UBR3: variants seen among roughly 807,000 people sequenced by gnomAD.
UBR3 encodes the protein E3 ubiquitin-protein ligase UBR3.
In UBR3, 85 loss-of-function variants were observed where a neutral mutation model predicts 243.2. That is an observed-to-expected ratio of 0.35 (90% confidence interval 0.29 to 0.42). The LOEUF (loss-of-function observed/expected upper bound fraction) is 0.42, where lower values mean the gene tolerates loss of function less well. Among genes scored for constraint, UBR3 ranks in the 10% least tolerant of loss-of-function variants. UBR3 has a pLI of 1.00. For synonymous variants in UBR3, 748 were observed against 799.8 expected (o/e 0.94, Z 1.09); for missense variants, 1,686 against 2,300.8 (o/e 0.73, Z 5.47).
chr2:169,929,316 T>G (rs2086030171), intron 18 of UBR3, among the ~76,000 whole-genome samples: 1 of 152,210 alleles, frequency 6.6e-6, no homozygotes, highest in Non-Finnish European at 1.5e-5. Context: ...GGCTTATGCC[T>G]GTAATCCCAG....
chr2:170,000,182 A>G (rs1454883983), intron 26 of UBR3, among the ~76,000 whole-genome samples: 2 of 152,002 alleles, frequency 1.3e-5, no homozygotes, highest in Non-Finnish European at 2.9e-5. Context: ...GAAAGGATAT[A>G]TAGTTTGCTT....
chr2:170,064,576 A>G (rs1372543045), intron 35 of UBR3, among the ~76,000 whole-genome samples: 2 of 151,940 alleles, frequency 1.3e-5, no homozygotes, highest in Non-Finnish European at 2.9e-5. Flanking sequence ...TCTATTTGAT[A>G]AGACAGTTTT....
chr2:170,003,000 T>C (rs1482116714), intron 27 of UBR3, among the ~76,000 whole-genome samples: 2 of 152,178 alleles, frequency 1.3e-5, no homozygotes, highest in African/African-American at 4.8e-5. Context: ...AGGTCTACTA[T>C]ATTCTCATGT....
intron 35 of UBR3, among the ~76,000 whole-genome samples, chr2:170,067,492 GAAC>G (rs2091598397): frequency 6.6e-6 from 1 of 152,038 alleles, no homozygotes; most frequent in Non-Finnish European, 1.5e-5. Context: ...AAAGAGACCT[GAAC>G]AACACTATTA....
At chr2:170,077,530 T>C in intron 36 of UBR3, 2 of 839,756 alleles carry the variant, frequency 2.4e-6, no homozygotes, top group Non-Finnish European at 3.7e-6. Flanking sequence ...TGTAAAGCCA[T>C]CTCCAACAAA....
At chr2:170,002,854 A>T (rs1313931495) in intron 27 of UBR3, among the ~76,000 whole-genome samples, 1 of 151,644 alleles carries the variant, frequency 6.6e-6, no homozygotes, top group Non-Finnish European at 1.5e-5. Flanking sequence ...CTTTTATTTT[A>T]TTTATTTATT....
intron 5 of UBR3, among the ~76,000 whole-genome samples, chr2:169,880,497 G>C (rs1303299002): frequency 6.6e-6 from 1 of 152,104 alleles, no homozygotes; most frequent in Non-Finnish European, 1.5e-5. Flanking sequence ...ATCTTGGCCT[G>C]AACTCTCCAG....
At chr2:169,991,133 G>A (rs536564435) in intron 25 of UBR3, among the ~76,000 whole-genome samples, 1 of 152,082 alleles carries the variant, frequency 6.6e-6, no homozygotes, top group Non-Finnish European at 1.5e-5. Flanking sequence ...ATTATATATT[G>A]ATAAACAGCC....
rs550648580 is a variant in UBR3, at chr2:170,022,808, GA to G, written c.4454-6537del. 1.5e-3 allele frequency among the ~76,000 whole-genome samples: 226 copies of G among 152,228 alleles called. 1 individual carries two copies. Among genetic ancestry groups the G allele is most frequent in the African/African-American group, 5.0e-3 (208 of 41,554 alleles). On this transcript the variant is annotated intron_variant, in intron 30 of 38. Coordinates refer to ENST00000272793, the MANE Select transcript of UBR3 (RefSeq NM_172070.4). ...CCTTGCCTGGAGTGCTTAGGAATGG[GA>G]TAGGGAGAGATGAGTCAGCTCCTGT...
intron 35 of UBR3, among the ~76,000 whole-genome samples, chr2:170,070,206 CAATTAATTTAGTTCACATATT>C (rs2091668379): frequency 6.6e-6 from 1 of 151,972 alleles, no homozygotes; most frequent in African/African-American, 2.4e-5. Flanking sequence ...CAACAAAAGT[CAATTAATTTAGTTCACATATT>C]AATTGAATAA....
At chr2:169,963,196 G>A (rs147870771) in intron 24 of UBR3, among the ~76,000 whole-genome samples, 85 of 152,266 alleles carry the variant, frequency 5.6e-4, no homozygotes, top group African/African-American at 2.0e-3. Context: ...GAATTGGGGT[G>A]CTATGTAGTG....
At chr2:169,887,074 AAAAG>A (rs1309211147) in intron 5 of UBR3, among the ~76,000 whole-genome samples, 2 of 152,212 alleles carry the variant, frequency 1.3e-5, no homozygotes, top group Non-Finnish European at 2.9e-5. Context: ...TCCATCAAAA[AAAAG>A]AAAGGTTAAT....
At chr2:169,872,209 T>C (rs1389771335) in intron 1 of UBR3, 27 bp from the exon 2 acceptor site, 1 of 1,441,338 alleles carries the variant, frequency 6.9e-7, no homozygotes, top group East Asian at 2.5e-5. Context: ...GACATTACTG[T>C]TAATTTTTTT....
intron 31 of UBR3, among the ~76,000 whole-genome samples, chr2:170,038,785 C>A (rs1290891415): frequency 6.6e-6 from 1 of 152,032 alleles, no homozygotes; most frequent in Non-Finnish European, 1.5e-5. Context: ...CACATCAGAA[C>A]TTAGATTATA....
At chr2:169,987,043 G>A (rs759987675) in intron 25 of UBR3, among the ~76,000 whole-genome samples, 1 of 152,036 alleles carries the variant, frequency 6.6e-6, no homozygotes, top group Non-Finnish European at 1.5e-5. Context: ...AAGTGTGATG[G>A]TATATTACCA....
intron 11 of UBR3, among the ~76,000 whole-genome samples, chr2:169,917,855 A>G (rs928299037): frequency 6.6e-6 from 1 of 152,096 alleles, no homozygotes; most frequent in Non-Finnish European, 1.5e-5. Flanking sequence ...GGCGTGTGCC[A>G]CCACACCCAG....
chr2:169,894,490 C>T (rs567398552), intron 6 of UBR3, among the ~76,000 whole-genome samples: 4 of 151,980 alleles, frequency 2.6e-5, no homozygotes, highest in Admixed American at 2.0e-4. Flanking sequence ...TCAGAAAATA[C>T]GATATTTTGG....
chr2:170,041,064 T>A (rs2090956208), intron 32 of UBR3, 79 bp downstream of exon 32: 1 of 1,364,862 alleles, frequency 7.3e-7, no homozygotes, highest in Non-Finnish European at 1.0e-6. Flanking sequence ...ACAAATAGGC[T>A]GGGTGTGGTG....
intron 1 of UBR3, among the ~76,000 whole-genome samples, chr2:169,853,077 C>A (rs1553492940): frequency 6.6e-6 from 1 of 152,084 alleles, no homozygotes; most frequent in Non-Finnish European, 1.5e-5. Flanking sequence ...GCTTTACACA[C>A]CATATGATAG....
Sources: allele counts gnomAD v4.1 joint callset (sites outside exome capture counted in the v4.1 genomes callset), GRCh38; gene constraint gnomAD v4.1.1; transcripts MANE v1.5; gene names NCBI Gene and HGNC (gene_info 2026-07-23, HGNC 2026-07-21).